KIRREL3: variants seen among roughly 807,000 people sequenced by gnomAD.
KIRREL3 encodes the protein kirre like nephrin family adhesion molecule 3.
KIRREL3 carries 36 observed loss-of-function variants against 89.7 expected under a neutral mutation model. The ratio of observed to expected loss-of-function variants is 0.40; its 90% CI spans 0.31 to 0.53. The LOEUF is 0.53. Among genes scored for constraint, KIRREL3 ranks in the 20% least tolerant of loss-of-function variants. The pLI, the probability that KIRREL3 is intolerant of heterozygous loss-of-function variation, is 0.49. For synonymous variants in KIRREL3, 445 were observed against 441.4 expected, an observed-to-expected ratio of 1.01 and a Z score of -0.10; for missense variants, 864 against 1,056.6, an observed-to-expected ratio of 0.82 and a Z score of 2.53.
chr11:126,583,747 ACG>A (rs1941678576), intron 1 of KIRREL3, among the ~76,000 whole-genome samples: 1 of 143,078 alleles, frequency 7.0e-6, no homozygotes, highest in South Asian at 2.2e-4. Flanking sequence ...GGTGCCTGGC[ACG>A]CAGCGAGGAC....
chr11:126,461,418 A>G lies in KIRREL3; in HGVS notation c.742+1739T>C, dbSNP rs1956537275. ...CACTGTGTGCCCCGGGACCTCCTTCAGTCACCCTAGCTCTAGGCTTGGCCA... is the reference window on the plus strand; with the variant it reads ...CACTGTGTGCCCCGGGACCTCCTTCGGTCACCCTAGCTCTAGGCTTGGCCA... On this transcript the variant is annotated intron_variant, in intron 6 of 16. Coordinates refer to ENST00000525144, the MANE Select transcript of KIRREL3 (RefSeq NM_032531.4). Among the ~76,000 whole-genome samples, 3 of 152,154 alleles carry G rather than the reference A, an allele frequency of 2.0e-5. No individual in the cohort carries two copies. In the South Asian group the frequency reaches 6.2e-4, roughly 32 times the overall value.
chr11:126,838,842 A>G (rs140668256), intron 1 of KIRREL3, among the ~76,000 whole-genome samples: 14 of 152,354 alleles, frequency 9.2e-5, no homozygotes, highest in African/African-American at 3.4e-4. Flanking sequence ...CTTGTTTGGC[A>G]TGATAAAGTT....
intron 1 of KIRREL3, among the ~76,000 whole-genome samples, chr11:126,801,367 G>A (rs1214590982): frequency 6.6e-6 from 1 of 152,164 alleles, no homozygotes; most frequent in Non-Finnish European, 1.5e-5. Flanking sequence ...AGCTGCTGGA[G>A]TAATGTTGCC....
intron 1 of KIRREL3, among the ~76,000 whole-genome samples, chr11:126,958,945 T>C (rs1231156416): frequency 1.3e-5 from 2 of 152,152 alleles, no homozygotes; most frequent in Admixed American, 1.3e-4. Context: ...AGATTAGCAT[T>C]TTAATTAGTA....
chr11:126,942,139 G>T (rs1410258548), intron 1 of KIRREL3, among the ~76,000 whole-genome samples: 1 of 152,120 alleles, frequency 6.6e-6, no homozygotes, highest in African/African-American at 2.4e-5. Context: ...TAGAGCGTAC[G>T]CCCATGAAGC....
intron 1 of KIRREL3, among the ~76,000 whole-genome samples, chr11:126,806,193 C>T (rs758250145): frequency 3.3e-5 from 5 of 152,182 alleles, no homozygotes; most frequent in Non-Finnish European, 5.9e-5. Context: ...ATTTTTCAGC[C>T]TTGATGAGCC....
chr11:126,567,549 T>C (rs567560808), intron 1 of KIRREL3, among the ~76,000 whole-genome samples: 1 of 152,186 alleles, frequency 6.6e-6, no homozygotes. Flanking sequence ...CCTGGCAATT[T>C]CCACTGGCCA....
rs1207843048 is a variant in KIRREL3, at chr11:126,492,122, A to G, written c.434-18656T>C. ...TTTCCTCCGGGCTTATAAAATGGAC[A>G]AAAGGATAAGTTGCAGAGGGCCACC... On this transcript the variant is annotated intron_variant, in intron 4 of 16. Transcript: ENST00000525144. This position sits in a 1 kb window ranked among gnomAD's most constrained non-coding sequence, Gnocchi z 4.8. Among the ~76,000 whole-genome samples, 1 of 152,208 alleles carries G rather than the reference A, an allele frequency of 6.6e-6. No individual in the cohort carries two copies. The highest frequency in any genetic ancestry group is 1.5e-5 in the Non-Finnish European group (1 of 68,030).
intron 1 of KIRREL3, among the ~76,000 whole-genome samples, chr11:126,732,558 T>C (rs7131158): frequency 0.22 from 33,146 of 152,130 alleles, 4,043 homozygotes; most frequent in African/African-American, 0.32. Flanking sequence ...TATACCTGCT[T>C]GTCTCGGGAA....
intron 1 of KIRREL3, among the ~76,000 whole-genome samples, chr11:126,602,349 G>T (rs926579618): frequency 3.3e-5 from 5 of 152,184 alleles, no homozygotes; most frequent in Admixed American, 6.5e-5. Context: ...TCTCCCAGAA[G>T]TCTGGCCTCT....
rs182099176 is a variant in KIRREL3 at position 126,742,456 on chromosome 11, T to C, written c.56-179544A>G. Among the ~76,000 whole-genome samples, 108 of 152,288 alleles carry C rather than the reference T, an allele frequency of 7.1e-4. No individual in the cohort carries two copies. The highest frequency in any genetic ancestry group is 2.3e-3 in the African/African-American group (95 of 41,554). ...CATGAAGCAGAAGTCAATCTCTTCG[T>C]CAGGCTGAATGTGGCTCACAGAAGC... On this transcript the variant is annotated intron_variant, in intron 1 of 16. Transcript: ENST00000525144. This position sits in a 1 kb window ranked among gnomAD's most constrained non-coding sequence, Gnocchi z 5.3.
chr11:126,921,773 CTAT>C (rs1394922297), intron 1 of KIRREL3, among the ~76,000 whole-genome samples: 146 of 151,164 alleles, frequency 9.7e-4, no homozygotes, highest in African/African-American at 3.3e-3. Flanking sequence ...ATCTATCTAT[CTAT>C]CTATCTATCT....
In KIRREL3 at chr11:126,923,164, CT is replaced by C. The variant is rs1555090198; in HGVS notation, c.55+77290del. Among the ~76,000 whole-genome samples the C allele has an allele frequency of 1.3e-4, 3 of 23,784 alleles. 1 individual carries two copies. The highest frequency in any genetic ancestry group is 5.2e-4 in the East Asian group (1 of 1,922). The allele number at this position is 23,784 out of a possible 152,430, so 15.6% of individuals were successfully genotyped here. On this transcript the variant is annotated intron_variant, in intron 1 of 16. Coordinates refer to ENST00000525144, the MANE Select transcript of KIRREL3 (RefSeq NM_032531.4). The stretch of plus-strand genomic sequence containing the variant: ...TCTTCTTCTTCTTCTTCTTCTTCTT[CT>C]TCTTCTTCTTCTCTTCTTCTTCTCT...
chr11:126,799,254 CTG>C (rs1263610344), intron 1 of KIRREL3, among the ~76,000 whole-genome samples: 10 of 120,530 alleles, frequency 8.3e-5, no homozygotes, highest in African/African-American at 2.4e-4. Context: ...ATGTGTGTAT[CTG>C]TGTGCGTGTG....
chr11:126,512,104 G>A (rs886826514), intron 4 of KIRREL3, among the ~76,000 whole-genome samples: 1 of 152,248 alleles, frequency 6.6e-6, no homozygotes, highest in African/African-American at 2.4e-5. Flanking sequence ...GGGGGAATCA[G>A]TAGAGAAACA....
At chr11:126,818,204 G>A (rs1208209389) in intron 1 of KIRREL3, among the ~76,000 whole-genome samples, 1 of 152,210 alleles carries the variant, frequency 6.6e-6, no homozygotes, top group Non-Finnish European at 1.5e-5. Context: ...GCCAGACGAA[G>A]TGTTTTCACA....
chr11:126,947,854 A>G (rs1048898049), intron 1 of KIRREL3, among the ~76,000 whole-genome samples: 2 of 152,184 alleles, frequency 1.3e-5, no homozygotes, highest in African/African-American at 4.8e-5. Flanking sequence ...ATAATCTTTG[A>G]CCTCAGTCTA....
Position 126,744,604 on chromosome 11 carries a change from A to C in KIRREL3, c.56-181692T>G, listed in dbSNP as rs549529945. Among the ~76,000 whole-genome samples, 26 of 152,346 alleles carry C rather than the reference A, an allele frequency of 1.7e-4. No homozygotes were observed. Among genetic ancestry groups the C allele is most frequent in the African/African-American group, 5.8e-4 (24 of 41,594 alleles). On this transcript the variant is annotated intron_variant, in intron 1 of 16. Transcript: ENST00000525144. The surrounding 1 kb of genome is among the most constrained non-coding windows in gnomAD (Gnocchi z 4.7). Reference sequence around the variant, plus strand: ...AATACAGAACAGACAGAGCCACTAAATGGGGCTGAGGAAAAGCACTCAGAG... The same window carrying C: ...AATACAGAACAGACAGAGCCACTAACTGGGGCTGAGGAAAAGCACTCAGAG...
In KIRREL3 at chr11:126,844,068, T is replaced by C. The variant is rs1182413037; in HGVS notation, c.55+156387A>G. Among the ~76,000 whole-genome samples the C allele has an allele frequency of 6.6e-6, 1 of 152,224 alleles. No individual in the cohort carries two copies. Among genetic ancestry groups the C allele is most frequent in the Non-Finnish European group, 1.5e-5 (1 of 68,034 alleles). ...TGCTCTGGACTCGCCCTGAATTCTT[T>C]CTTGTACGAGATCCAAGAACCCTCT... On this transcript the variant is annotated intron_variant, in intron 1 of 16. Transcript: ENST00000525144. This position sits in a 1 kb window ranked among gnomAD's most constrained non-coding sequence, Gnocchi z 4.8.
Sources: gnomAD v4.1 joint callset for allele counts (sites outside exome capture counted in the v4.1 genomes callset) on GRCh38, gnomAD v4.1.1 for gene constraint, Gnocchi (gnomAD v3.1) non-coding constraint, MANE v1.5 for transcripts, NCBI Gene and HGNC (gene_info 2026-07-23, HGNC 2026-07-21) for gene names.